Variants in PCNX2 observed in about 807,000 individuals in gnomAD.
PCNX2 encodes pecanex-like protein 2.
A neutral mutation model predicts 223.8 loss-of-function variants in PCNX2; 168 were observed. The ratio of observed to expected loss-of-function variants is 0.75; its 90% CI spans 0.66 to 0.85. The LOEUF (loss-of-function observed/expected upper bound fraction) is 0.85. PCNX2 is among the 40% of genes least tolerant of loss of function. The probability of loss-of-function intolerance (pLI) is 0.00; values close to 1 mark genes in which losing one functional copy is unlikely to be tolerated. For synonymous variants in PCNX2, 1,006 were observed against 1,052.6 expected (o/e 0.96, Z 0.86); for missense variants, 2,507 against 2,675.5 (o/e 0.94, Z 1.39).
rs763419825 is a variant in PCNX2 at position 233,258,389 on chromosome 1, T to G, written c.1473A>C (p.Glu491Asp). 6.2e-7 allele frequency: 1 copy of G among 1,613,996 alleles called. No homozygotes were observed. The highest frequency in any genetic ancestry group is 1.3e-5 in the African/African-American group (1 of 75,054). Residue 491 changes from glutamate to aspartate, a missense_variant, in exon 5 of 34, where the codon GAA (glutamate) becomes GAC (aspartate). Physicochemically the swap from Glu to Asp is conservative, Grantham distance 45. This residue lies in a region of PCNX2 where 1,031 missense variants were observed against 1,021.7 expected (regional missense o/e 1.01). Coordinates refer to ENST00000258229, the MANE Select transcript of PCNX2 (RefSeq NM_014801.4). ...TATCAGGTGTAAGCCGGGACACCGA[T>G]TCCCAGGGTTCCCGTGATGAAGAAC... is the stretch of plus-strand genomic sequence containing the variant. ...DHSSSSREPW[E>D]SVSRLTPDTG...
intron 10 of PCNX2, among the ~76,000 whole-genome samples, 175 bp from the exon 11 acceptor site, chr1:233,218,359 C>A (rs967393800): frequency 6.6e-6 from 1 of 151,090 alleles, no homozygotes; most frequent in Non-Finnish European, 1.5e-5. Flanking sequence ...AGCAATCCTC[C>A]TGCCTCAGCC....
chr1:233,233,423 C>CGTGTGTGTGT (rs1558373333), intron 9 of PCNX2, among the ~76,000 whole-genome samples: 17 of 115,584 alleles, frequency 1.5e-4, no homozygotes, highest in African/African-American at 6.0e-4. Flanking sequence ...CTCCTCTTCT[C>CGTGTGTGTGT]CTGTGTGTGT....
At chr1:233,160,104 G>T in intron 19 of PCNX2, 179 bp downstream of exon 19, 1 of 641,736 alleles carries the variant, frequency 1.6e-6, no homozygotes, top group African/African-American at 1.8e-5. Context: ...ATACTCTAAG[G>T]TACACGTTCT....
chr1:233,251,929 C>T (rs957148203), intron 7 of PCNX2, among the ~76,000 whole-genome samples: 1 of 152,190 alleles, frequency 6.6e-6, no homozygotes, highest in Non-Finnish European at 1.5e-5. Context: ...AACACAGGTC[C>T]AACAAATATT....
chr1:233,225,170 T>G (rs1475573823), intron 10 of PCNX2, among the ~76,000 whole-genome samples: 2 of 148,856 alleles, frequency 1.3e-5, no homozygotes, highest in Admixed American at 6.7e-5. Flanking sequence ...ACAGTCTAAA[T>G]TTTAGTGTCT....
rs917486482 is a variant in PCNX2 at position 233,053,543 on chromosome 1, T to C, written c.4351+725A>G. ...TAAGCTTCATGGTGATAAGACTCTT[T>C]TATGTCACGTGTCCATTGCATCTCC... On this transcript the variant is annotated intron_variant, in intron 25 of 33. Transcript: ENST00000258229. 2.6e-5 allele frequency among the ~76,000 whole-genome samples: 4 copies of C among 152,350 alleles called. No homozygotes were observed. The East Asian group carries it at 7.7e-4, about 29-fold the overall frequency.
At chr1:233,059,985 ATT>A (rs1286676824) in intron 23 of PCNX2, among the ~76,000 whole-genome samples, 3 of 152,202 alleles carry the variant, frequency 2.0e-5, no homozygotes, top group African/African-American at 7.2e-5. Context: ...AAAAAAAAGT[ATT>A]CTTTCTTTTC....
intron 32 of PCNX2, among the ~76,000 whole-genome samples, chr1:232,994,731 T>A (rs1669817337): frequency 6.6e-6 from 1 of 152,074 alleles, no homozygotes; most frequent in Non-Finnish European, 1.5e-5. Context: ...ATGGGGGTGG[T>A]TTCCCCCAGG....
At chr1:233,259,787 T>C in intron 4 of PCNX2, 3 of 814,850 alleles carry the variant, frequency 3.7e-6, no homozygotes, top group Non-Finnish European at 4.4e-6. Flanking sequence ...GCAAAGAACA[T>C]GAACTCATTC....
At chr1:233,144,779 T>C (rs1397866440) in intron 19 of PCNX2, among the ~76,000 whole-genome samples, 1 of 152,092 alleles carries the variant, frequency 6.6e-6, no homozygotes, top group Non-Finnish European at 1.5e-5. Context: ...ACATTCTAGG[T>C]ATGAGTCTTT....
intron 13 of PCNX2, among the ~76,000 whole-genome samples, chr1:233,202,630 C>T (rs1420183865): frequency 2.0e-5 from 3 of 152,148 alleles, no homozygotes; most frequent in Non-Finnish European, 2.9e-5. Flanking sequence ...TTAAACAAGA[C>T]ATAGGAATGG....
At chr1:233,145,167 C>T (rs983943691) in intron 19 of PCNX2, among the ~76,000 whole-genome samples, 40 of 151,842 alleles carry the variant, frequency 2.6e-4, no homozygotes, top group African/African-American at 8.5e-4. Flanking sequence ...GGTGTTTCAC[C>T]GTGTTAGCCA....
intron 25 of PCNX2, among the ~76,000 whole-genome samples, chr1:233,035,009 C>T (rs1671402560): frequency 6.6e-6 from 1 of 152,136 alleles, no homozygotes; most frequent in Non-Finnish European, 1.5e-5. Flanking sequence ...AAACCAGCCA[C>T]CCACAGTCTC....
At chr1:233,232,118 CTATTA>C (rs1257304600) in intron 9 of PCNX2, among the ~76,000 whole-genome samples, 2 of 152,156 alleles carry the variant, frequency 1.3e-5, no homozygotes, top group East Asian at 1.9e-4. Context: ...TAGAATTATC[CTATTA>C]TAACAGTGGC....
intron 25 of PCNX2, chr1:233,032,022 G>A (rs924702444): frequency 1.0e-6 from 1 of 983,844 alleles, no homozygotes; most frequent in Admixed American, 6.2e-5. Flanking sequence ...CATTAACACT[G>A]GCTTGCTGTA....
At chr1:233,209,882 G>A (rs1166327295) in intron 12 of PCNX2, among the ~76,000 whole-genome samples, 1 of 152,148 alleles carries the variant, frequency 6.6e-6, no homozygotes, top group Non-Finnish European at 1.5e-5. Flanking sequence ...CAAGTGAATA[G>A]CAAAATAAAT....
At chr1:233,275,054 T>A (rs1264257356) in intron 1 of PCNX2, among the ~76,000 whole-genome samples, 1 of 152,216 alleles carries the variant, frequency 6.6e-6, no homozygotes, top group Non-Finnish European at 1.5e-5. Context: ...ATATACTGAT[T>A]TTTCTATAAA....
rs1184560092 is a variant in PCNX2 at position 232,990,753 on chromosome 1, C to A, written c.5792-4213G>T. 6.6e-6 allele frequency among the ~76,000 whole-genome samples: 1 copy of A among 152,198 alleles called. No individual in the cohort carries two copies. Among genetic ancestry groups the A allele is most frequent in the Non-Finnish European group, 1.5e-5 (1 of 68,026 alleles). On this transcript the variant is annotated intron_variant, in intron 32 of 33. Transcript: ENST00000258229. The surrounding 1 kb of genome is among the most constrained non-coding windows in gnomAD (Gnocchi z 4.3). ...GGAGACAGGAGCACGTCAACCAGCT[C>A]CCACCCACTCCTGCTTGGCCGTGTG...
Position 233,258,469 on chromosome 1 carries a change from TG to T in PCNX2, c.1392del (p.Asn465IlefsTer77). Reference sequence around the variant, plus strand: ...CCAGATCCGTAGCCAGAACACTGATTGGTGGATACCCTCGTCTTCAGTCTCT... The same window carrying T: ...CCAGATCCGTAGCCAGAACACTGATTGTGGATACCCTCGTCTTCAGTCTCT... ...TPERLKTRVS[T>X]NQCSGYGSGE... On this transcript the variant is annotated frameshift_variant, in exon 5 of 34. Coordinates refer to ENST00000258229, the MANE Select transcript of PCNX2 (RefSeq NM_014801.4). LOFTEE classifies it high-confidence loss of function. 1 of 1,613,968 alleles carries T rather than the reference TG, an allele frequency of 6.2e-7. No individual in the cohort carries two copies. Among genetic ancestry groups the T allele is most frequent in the Non-Finnish European group, 8.5e-7 (1 of 1,179,888 alleles).
Sources: gnomAD v4.1 joint callset for allele counts (sites outside exome capture counted in the v4.1 genomes callset) on GRCh38, gnomAD v4.1.1 for gene constraint, gnomAD v4.1.1 regional missense constraint, Gnocchi (gnomAD v3.1) non-coding constraint, MANE v1.5 for transcripts, NCBI Gene and HGNC (gene_info 2026-07-23, HGNC 2026-07-21) for gene names.